Variants in NTRK2 observed in about 807,000 individuals in gnomAD.
NTRK2 encodes the protein BDNF/NT-3 growth factors receptor.
NTRK2 carries 13 observed loss-of-function variants against 94.5 expected under a neutral mutation model. The ratio of observed to expected loss-of-function variants is 0.14; its 90% CI spans 0.09 to 0.22. NTRK2 has a LOEUF of 0.22. NTRK2 is among the 10% of genes least tolerant of loss of function. The probability of loss-of-function intolerance (pLI) is 1.00; values close to 1 mark genes in which losing one functional copy is unlikely to be tolerated. For synonymous variants in NTRK2, 372 were observed against 407.4 expected, an observed-to-expected ratio of 0.91 and a Z score of 1.05; for missense variants, 639 against 1,071.2, an observed-to-expected ratio of 0.60 and a Z score of 5.63.
chr9:84,958,205 A>G (rs1824410329), intron 17 of NTRK2, among the ~76,000 whole-genome samples: 1 of 152,208 alleles, frequency 6.6e-6, no homozygotes, highest in Admixed American at 6.5e-5. Flanking sequence ...ATATACAAAA[A>G]AAAAACACTG....
At chr9:84,797,567 ATTATATATAT>A (rs1484213016) in intron 12 of NTRK2, among the ~76,000 whole-genome samples, 3 of 72,394 alleles carry the variant, frequency 4.1e-5, no homozygotes, top group African/African-American at 1.6e-4. Flanking sequence ...TATACTATAT[ATTATATATAT>A]TATATATACT....
intron 14 of NTRK2, among the ~76,000 whole-genome samples, chr9:84,930,827 G>A (rs959224919): frequency 2.0e-5 from 3 of 152,144 alleles, no homozygotes; most frequent in African/African-American, 7.2e-5. Flanking sequence ...TCTTAAAGGA[G>A]AATGGGAAGA....
chr9:84,950,528 A>G (rs187835196), intron 16 of NTRK2, among the ~76,000 whole-genome samples: 3 of 152,250 alleles, frequency 2.0e-5, no homozygotes, highest in East Asian at 1.9e-4. Flanking sequence ...AGTTCGCTCA[A>G]TCACCTTTGT....
At chr9:84,733,081 T>C (rs944934697) in intron 9 of NTRK2, among the ~76,000 whole-genome samples, 2 of 152,266 alleles carry the variant, frequency 1.3e-5, no homozygotes, top group Non-Finnish European at 2.9e-5. Flanking sequence ...TGGCTGCAGG[T>C]TTCTTTCACC....
intron 6 of NTRK2, among the ~76,000 whole-genome samples, chr9:84,721,488 T>G (rs892476101): frequency 2.0e-5 from 3 of 152,196 alleles, no homozygotes; most frequent in African/African-American, 7.2e-5. Context: ...ATACTCATAA[T>G]AATCTTTATG....
At chr9:84,773,295 G>C (rs1475491248) in intron 12 of NTRK2, among the ~76,000 whole-genome samples, 1 of 152,302 alleles carries the variant, frequency 6.6e-6, no homozygotes, top group South Asian at 2.1e-4. Flanking sequence ...AGACCCTGAG[G>C]ATGGTTAGAG....
intron 17 of NTRK2, among the ~76,000 whole-genome samples, chr9:84,992,061 G>T (rs1217791462): frequency 6.6e-6 from 1 of 152,146 alleles, no homozygotes; most frequent in Non-Finnish European, 1.5e-5. Context: ...ATGTGGACCA[G>T]TGGTAAAATC....
chr9:84,801,221 A>C (rs1410213274), intron 12 of NTRK2, among the ~76,000 whole-genome samples: 1 of 152,184 alleles, frequency 6.6e-6, no homozygotes, highest in Non-Finnish European at 1.5e-5. Context: ...GGCCAGCATC[A>C]CATAGCTCAG....
chr9:85,013,367 A>G (rs1176606770), intron 17 of NTRK2, among the ~76,000 whole-genome samples: 1 of 152,068 alleles, frequency 6.6e-6, no homozygotes, highest in Admixed American at 6.6e-5. Context: ...CAGTGGCGTG[A>G]TGTTGGCTCA....
chr9:85,010,382 C>A (rs1588178404), intron 17 of NTRK2, among the ~76,000 whole-genome samples: 1 of 152,210 alleles, frequency 6.6e-6, no homozygotes, highest in African/African-American at 2.4e-5. Flanking sequence ...GGGTGCAATG[C>A]CTTTGTCTCA....
chr9:84,816,992 A>G (rs1397461414), intron 12 of NTRK2, among the ~76,000 whole-genome samples: 1 of 152,162 alleles, frequency 6.6e-6, no homozygotes, highest in Non-Finnish European at 1.5e-5. Flanking sequence ...ATCTTGGGAA[A>G]GTTCTTTCAC....
At chr9:84,887,213 A>G (rs2076443266) in intron 14 of NTRK2, among the ~76,000 whole-genome samples, 1 of 152,226 alleles carries the variant, frequency 6.6e-6, no homozygotes, top group Non-Finnish European at 1.5e-5. Context: ...CAGGAAATGT[A>G]AGGGGTTCTC....
chr9:84,828,313 ACAT>A (rs1402689871), intron 12 of NTRK2, among the ~76,000 whole-genome samples: 1 of 152,202 alleles, frequency 6.6e-6, no homozygotes. Context: ...ACAACGCAGA[ACAT>A]CATTTGTCAA....
intron 17 of NTRK2, among the ~76,000 whole-genome samples, chr9:84,975,996 T>C (rs1465078294): frequency 1.3e-5 from 2 of 152,146 alleles, no homozygotes; most frequent in Non-Finnish European, 2.9e-5. Flanking sequence ...GAGGGCTGCC[T>C]GACAAGAGCT....
intron 6 of NTRK2, among the ~76,000 whole-genome samples, chr9:84,711,736 A>T (rs1428745123): frequency 6.6e-6 from 1 of 152,130 alleles, no homozygotes; most frequent in East Asian, 1.9e-4. Flanking sequence ...ATTTAAGAAA[A>T]ATGGAGCTGC....
At chr9:84,997,922 G>A (rs1480211457) in intron 17 of NTRK2, among the ~76,000 whole-genome samples, 2 of 152,096 alleles carry the variant, frequency 1.3e-5, no homozygotes, top group African/African-American at 4.8e-5. Flanking sequence ...TGAGACCATT[G>A]GTCATTTTGC....
At chr9:84,942,763 A>C (rs1344608773) in intron 15 of NTRK2, among the ~76,000 whole-genome samples, 1 of 151,576 alleles carries the variant, frequency 6.6e-6, no homozygotes. Flanking sequence ...AAGGTCTCAA[A>C]ATCTGTTAGG....
At chr9:84,749,894 A>G (rs572484607) in intron 11 of NTRK2, among the ~76,000 whole-genome samples, 77 of 152,306 alleles carry the variant, frequency 5.1e-4, no homozygotes, top group African/African-American at 1.8e-3. Context: ...ATGCTGCAGT[A>G]ACAAAACCTC....
At chr9:84,728,211 C>A (rs1000768953) in intron 9 of NTRK2, among the ~76,000 whole-genome samples, 2 of 152,116 alleles carry the variant, frequency 1.3e-5, no homozygotes, top group African/African-American at 4.8e-5. Flanking sequence ...AAGAGGACAA[C>A]TGCAACGATG....
Sources: gnomAD v4.1 joint callset for allele counts (sites outside exome capture counted in the v4.1 genomes callset) on GRCh38, gnomAD v4.1.1 for gene constraint, MANE v1.5 for transcripts, NCBI Gene and HGNC (gene_info 2026-07-23, HGNC 2026-07-21) for gene names.